FCGR2A: variants seen among roughly 807,000 people sequenced by gnomAD.
FCGR2A encodes the protein Fc gamma receptor IIa.
A neutral mutation model predicts 29.3 loss-of-function variants in FCGR2A; 18 were observed. The observed-to-expected ratio is 0.62, with a 90% CI of 0.43 to 0.91. The LOEUF (loss-of-function observed/expected upper bound fraction) is 0.91, where lower values mean the gene tolerates loss of function less well. Ranked by LOEUF, FCGR2A falls within the 40% of genes least tolerant of loss-of-function variation. FCGR2A has a pLI of 0.00. For synonymous variants in FCGR2A, 126 were observed against 144.8 expected, an observed-to-expected ratio of 0.87 and a Z score of 0.93; for missense variants, 287 against 393.0, an observed-to-expected ratio of 0.73 and a Z score of 2.28.
Position 161,505,819 on chromosome 1 carries a change from G to T in FCGR2A, c.86-168G>T, listed in dbSNP as rs544400219. On this transcript the variant is annotated intron_variant, in intron 1 of 6. Transcript: ENST00000271450. ...GAGGAACAGGAAATGAGATAAAGGG[G>T]ACATATGAAGTGAATACTTTTATAA... 12 of 743,722 alleles carry T rather than the reference G, an allele frequency of 1.6e-5. No homozygotes were observed. The South Asian group carries it at 1.7e-4, about 10-fold the overall frequency. The allele number at this position is 743,722 out of a possible 1,614,324, so 46.1% of individuals were successfully genotyped here. A position where few individuals can be genotyped will look rare whatever the true frequency, so the allele number is the denominator to read the frequency against.
At chr1:161,522,219 C>G (rs1401096701), downstream of FCGR2A, among the ~76,000 whole-genome samples, 1 of 151,876 alleles carries the variant, frequency 6.6e-6, no homozygotes. Context: ...TAAAAAGAAA[C>G]AAACAAAAAA....
At chr1:161,505,802 G>A in intron 1 of FCGR2A, 185 bp from the exon 2 acceptor site, 1 of 728,500 alleles carries the variant, frequency 1.4e-6, no homozygotes, top group Non-Finnish European at 2.4e-6. Context: ...AGGAGGAACA[G>A]GAAATGAGAT....
intron 6 of FCGR2A, 92 bp downstream of exon 6, chr1:161,514,024 T>C (rs964096615): frequency 4.0e-5 from 64 of 1,583,704 alleles, no homozygotes; most frequent in Non-Finnish European, 5.1e-5. Context: ...AAAATTAAAA[T>C]GGAGACTGGG....
chr1:161,511,636 T>G (rs1465507892), intron 5 of FCGR2A, among the ~76,000 whole-genome samples: 1 of 151,652 alleles, frequency 6.6e-6, no homozygotes, highest in Admixed American at 6.6e-5. Context: ...GAACTGGGGG[T>G]GGGAGGACAG....
At chr1:161,506,049 C>T (rs542936582) in intron 2 of FCGR2A, 42 bp downstream of exon 2, 1 of 1,593,824 alleles carries the variant, frequency 6.3e-7, no homozygotes, top group African/African-American at 1.3e-5. Context: ...AGTGTTGTAT[C>T]CTCATAATAT....
rs749895426 is a variant in FCGR2A, at chr1:161,510,832, A to C, written c.620-2A>C. On this transcript the variant is annotated splice_acceptor_variant, in intron 4 of 6. Transcript: ENST00000271450. LOFTEE classifies it high-confidence loss of function. The stretch of plus-strand genomic sequence containing the variant: ...TCCTGCCCTAATGTCTGTCTTCCCT[A>C]GTGCCCAGCATGGGCAGCTCTTCAC... 3 of 1,614,134 alleles carry C rather than the reference A, an allele frequency of 1.9e-6. No homozygotes were observed. Among genetic ancestry groups the C allele is most frequent in the Non-Finnish European group, 2.5e-6 (3 of 1,179,988 alleles).
rs956387905 is a variant in FCGR2A, at chr1:161,509,881, G to A, written c.426G>A (p.Arg142=). ...EFQEGETIML[R]CHSWKDKPLV... ...AGGAGGGAGAAACCATCATGCTGAG[G>A]TGCCACAGCTGGAAGGACAAGCCTC... Residue 142 remains arginine, a synonymous_variant, in exon 4 of 7, where the codon AGG becomes AGA. Coordinates refer to ENST00000271450, the MANE Select transcript of FCGR2A (RefSeq NM_001136219.3). 4 of 1,614,080 alleles carry A rather than the reference G, an allele frequency of 2.5e-6. No individual in the cohort carries two copies. The African/African-American group carries it at 4.0e-5, about 16-fold the overall frequency.
At chr1:161,506,679 G>A in intron 3 of FCGR2A, 88 bp downstream of exon 3, 2 of 1,578,998 alleles carry the variant, frequency 1.3e-6, no homozygotes, top group Non-Finnish European at 1.7e-6. Flanking sequence ...GAAAGAGTGG[G>A]CGTGGACTGC....
rs1246447915 is a variant in FCGR2A, at chr1:161,518,263, A to G, written c.*115A>G. On this transcript the variant is annotated 3_prime_UTR_variant, in exon 7 of 7. Coordinates refer to ENST00000271450, the MANE Select transcript of FCGR2A (RefSeq NM_001136219.3). ...ACTGGAAAAATCCTGAGCAAACAAA[A>G]CCACCTGGCCCTTAGAAATAGCTTT... The G allele has an allele frequency of 2.0e-6, 3 of 1,512,748 alleles. No homozygotes were observed. Among genetic ancestry groups the G allele is most frequent in the Non-Finnish European group, 2.7e-6 (3 of 1,128,484 alleles). The allele number at this position is 1,512,748 out of a possible 1,614,324, so 93.7% of individuals were successfully genotyped here.
At chr1:161,521,188 T>C (rs561885627), downstream of FCGR2A, among the ~76,000 whole-genome samples, 1 of 151,584 alleles carries the variant, frequency 6.6e-6, no homozygotes, top group African/African-American at 2.4e-5. Flanking sequence ...ACTATTAATA[T>C]ATGTTTACTG....
At chr1:161,506,764 G>A (rs966937473) in intron 3 of FCGR2A, 173 bp downstream of exon 3, 3 of 1,235,614 alleles carry the variant, frequency 2.4e-6, no homozygotes, top group African/African-American at 3.0e-5. Context: ...CATGCGTGGT[G>A]GGGGAAGGGG....
chr1:161,514,789 G>A (rs1192436671), intron 6 of FCGR2A: 1 of 151,434 alleles, frequency 6.6e-6, no homozygotes, highest in Non-Finnish European at 1.5e-5. Context: ...TTTCTGGATT[G>A]GGATCCAGAG....
chr1:161,521,098 G>T (rs1451999660), downstream of FCGR2A, among the ~76,000 whole-genome samples: 1 of 148,584 alleles, frequency 6.7e-6, no homozygotes, highest in Admixed American at 6.7e-5. Flanking sequence ...TGATCATTCG[G>T]TATAACCTGT....
At chr1:161,520,862 G>A (rs1659533), downstream of FCGR2A, among the ~76,000 whole-genome samples, 1,309 of 152,054 alleles carry the variant, frequency 8.6e-3, 26 homozygotes, top group Middle Eastern at 0.034. Context: ...ATATTCTACA[G>A]GATGCTACAG....
At chr1:161,523,896 T>C (rs903245104), downstream of FCGR2A, 5 of 152,062 alleles carry the variant, frequency 3.3e-5, no homozygotes, top group African/African-American at 4.8e-5. Context: ...AGGCGAGAAT[T>C]CTACCACTGA....
At chr1:161,511,382 C>G (rs1192651413) in intron 5 of FCGR2A, among the ~76,000 whole-genome samples, 1 of 152,178 alleles carries the variant, frequency 6.6e-6, no homozygotes, top group Non-Finnish European at 1.5e-5. Context: ...CCCACTAACA[C>G]CTCACAAAGC....
At position 161,506,777 on chromosome 1, in the gene FCGR2A, A is replaced by T. The variant is rs565740347; in HGVS notation, c.364+186A>T. 4.3e-6 allele frequency: 5 copies of T among 1,171,190 alleles called. 1 individual carries two copies. In the African/African-American group the frequency reaches 7.7e-5, roughly 18 times the overall value. The allele number at this position is 1,171,190 out of a possible 1,614,324, so 72.5% of individuals were successfully genotyped here. ...AGCATGCGTGGTGGGGGAAGGGGGA[A>T]TTTCTAATAATTTTCTCAGCATGTG... On this transcript the variant is annotated intron_variant, in intron 3 of 6. Transcript: ENST00000271450.
rs201835285 is a variant in FCGR2A, at chr1:161,510,922, G to A, written c.708G>A (p.Val236=). 2 of 1,614,166 alleles carry A rather than the reference G, an allele frequency of 1.2e-6. No homozygotes were observed. The highest frequency in any genetic ancestry group is 2.7e-5 in the African/African-American group (2 of 75,032). ...TAVAAIVAAV[V]ALIYCRKKRI... Reference sequence around the variant, plus strand: ...TAGCAGCCATTGTTGCTGCTGTAGTGGCCTTGATCTACTGCAGGAAAAAGC... The same window carrying A: ...TAGCAGCCATTGTTGCTGCTGTAGTAGCCTTGATCTACTGCAGGAAAAAGC... The change falls in exon 5 of 7, where the codon GTG becomes GTA. Residue 236 remains valine, a synonymous_variant. Transcript: ENST00000271450.
At chr1:161,522,275 C>G (rs1353231452), downstream of FCGR2A, among the ~76,000 whole-genome samples, 3 of 152,094 alleles carry the variant, frequency 2.0e-5, no homozygotes, top group Non-Finnish European at 2.9e-5. Context: ...AACAAACAAA[C>G]AAAACCAAAA....
Sources: gnomAD v4.1 joint callset for allele counts (sites outside exome capture counted in the v4.1 genomes callset) on GRCh38, gnomAD v4.1.1 for gene constraint, MANE v1.5 for transcripts, NCBI Gene and HGNC (gene_info 2026-07-23, HGNC 2026-07-21) for gene names.